The following SYN3 variants were observed in gnomAD, a reference collection of about 807,000 sequenced individuals.
SYN3 encodes the protein synapsin-3.
SYN3 carries 35 observed loss-of-function variants against 65.8 expected under a neutral mutation model. That is an observed-to-expected ratio of 0.53 (90% CI 0.41 to 0.70). The LOEUF is 0.70. Ranked by LOEUF, SYN3 falls within the 30% of genes least tolerant of loss-of-function variation. The pLI is 0.00. For synonymous variants in SYN3, 270 were observed against 292.9 expected (o/e 0.92, Z 0.80); for missense variants, 680 against 749.0 (o/e 0.91, Z 1.08).
intron 6 of SYN3, among the ~76,000 whole-genome samples, chr22:32,850,013 T>G (rs1360817491): frequency 1.3e-5 from 2 of 151,478 alleles, no homozygotes; most frequent in African/African-American, 2.4e-5. Flanking sequence ...AATCTTTACA[T>G]GGAAACTGTG....
intron 6 of SYN3, chr22:32,861,423 A>G (rs2048535137): frequency 6.6e-6 from 1 of 152,222 alleles, no homozygotes; most frequent in South Asian, 2.1e-4. Context: ...ACTGGTTTTG[A>G]AGGGATGAGC....
At chr22:32,781,699 A>G (rs981283252) in intron 6 of SYN3, among the ~76,000 whole-genome samples, 5 of 149,804 alleles carry the variant, frequency 3.3e-5, no homozygotes, top group Admixed American at 6.6e-5. Context: ...TATTATTATT[A>G]TTGTTGTTGT....
At chr22:32,773,990 G>A (rs1215362543) in intron 6 of SYN3, among the ~76,000 whole-genome samples, 3 of 152,094 alleles carry the variant, frequency 2.0e-5, no homozygotes, top group Non-Finnish European at 2.9e-5. Flanking sequence ...AGGGAGATCC[G>A]GGGAAGCAGA....
chr22:33,036,678 CTTTTTTTTTTTTTTTTTT>C (rs133977), intron 1 of SYN3, among the ~76,000 whole-genome samples: 6 of 99,538 alleles, frequency 6.0e-5, no homozygotes, highest in Non-Finnish European at 7.4e-5. Context: ...AGCCCAAGTT[CTTTTTTTTTTTTTTTTTT>C]TTTTTTTTTT....
At chr22:32,569,559 C>CTATA (rs1289552626) in intron 7 of SYN3, among the ~76,000 whole-genome samples, 85 of 51,204 alleles carry the variant, frequency 1.7e-3, no homozygotes, top group African/African-American at 3.5e-3. Context: ...CTCTCTCTCT[C>CTATA]TCTCTCTCTC....
At chr22:32,556,018 C>T (rs1185778237) in intron 7 of SYN3, among the ~76,000 whole-genome samples, 2 of 152,116 alleles carry the variant, frequency 1.3e-5, no homozygotes, top group African/African-American at 2.4e-5. Flanking sequence ...TCATCAAAGG[C>T]TTAGAAGCAG....
At chr22:32,526,557 C>T (rs887732021) in intron 12 of SYN3, among the ~76,000 whole-genome samples, 3 of 152,020 alleles carry the variant, frequency 2.0e-5, no homozygotes, top group African/African-American at 7.3e-5. Flanking sequence ...CCTCTATCGC[C>T]CAGGGTGGAG....
chr22:32,546,889 T>G (rs2058343770), intron 7 of SYN3, among the ~76,000 whole-genome samples: 1 of 152,004 alleles, frequency 6.6e-6, no homozygotes, highest in African/African-American at 2.4e-5. Flanking sequence ...CTCTCTCTCC[T>G]TTCTCTTGCG....
At chr22:32,800,588 T>A (rs995366091) in intron 6 of SYN3, among the ~76,000 whole-genome samples, 1 of 152,154 alleles carries the variant, frequency 6.6e-6, no homozygotes, top group African/African-American at 2.4e-5. Context: ...GGATAGTAAT[T>A]GTGTTAGTTA....
At chr22:32,670,914 C>T (rs1234152558) in intron 6 of SYN3, among the ~76,000 whole-genome samples, 1 of 152,222 alleles carries the variant, frequency 6.6e-6, no homozygotes, top group Admixed American at 6.5e-5. Flanking sequence ...GCAGCGCTGA[C>T]AGCACACCCC....
chr22:32,552,288 A>G (rs1004339421), intron 7 of SYN3, among the ~76,000 whole-genome samples: 3 of 152,146 alleles, frequency 2.0e-5, no homozygotes, highest in African/African-American at 7.2e-5. Context: ...ACACTTTAGA[A>G]GGGTGAATTT....
chr22:32,642,849 G>A (rs1340468493), intron 6 of SYN3, among the ~76,000 whole-genome samples: 2 of 152,056 alleles, frequency 1.3e-5, no homozygotes, highest in African/African-American at 4.8e-5. Flanking sequence ...GAGCCACTGT[G>A]CTTGGCCCTA....
intron 7 of SYN3, among the ~76,000 whole-genome samples, chr22:32,553,522 G>A (rs1299503581): frequency 6.6e-6 from 1 of 152,174 alleles, no homozygotes; most frequent in Non-Finnish European, 1.5e-5. Flanking sequence ...GTCTCATTCT[G>A]TCTCAGTCTG....
intron 6 of SYN3, among the ~76,000 whole-genome samples, chr22:32,828,732 G>A (rs551777613): frequency 5.9e-5 from 9 of 152,298 alleles, no homozygotes; most frequent in Admixed American, 4.6e-4. Flanking sequence ...CTTCTTGGCC[G>A]GTTCTGGGAG....
intron 7 of SYN3, among the ~76,000 whole-genome samples, chr22:32,560,123 G>C (rs1569038557): frequency 6.6e-6 from 1 of 152,234 alleles, no homozygotes; most frequent in South Asian, 2.1e-4. Flanking sequence ...AAGAATCAGG[G>C]GAGAAGGAAT....
chr22:32,648,087 C>T (rs1260487339), intron 6 of SYN3, among the ~76,000 whole-genome samples: 3 of 151,978 alleles, frequency 2.0e-5, no homozygotes, highest in Admixed American at 2.0e-4. Context: ...TGGTCTCAAA[C>T]TCCTGGCCTC....
Position 32,508,805 on chromosome 22 carries a change from C to T in SYN3, c.*4887G>A, listed in dbSNP as rs2057660144. Among the ~76,000 whole-genome samples, 5 of 152,174 alleles carry T rather than the reference C, an allele frequency of 3.3e-5. No individual in the cohort carries two copies. In the South Asian group the frequency reaches 1.0e-3, roughly 32 times the overall value. On this transcript the variant is annotated 3_prime_UTR_variant, in exon 14 of 14. Transcript: ENST00000358763. ...CATGTCCTGAACACCTGCTGGGTGCCAAGCAATGTGCTCTGAGCTTCACTC... is the reference window on the plus strand; with the variant it reads ...CATGTCCTGAACACCTGCTGGGTGCTAAGCAATGTGCTCTGAGCTTCACTC...
intron 7 of SYN3, among the ~76,000 whole-genome samples, chr22:32,551,559 A>C (rs1447476288): frequency 6.6e-6 from 1 of 151,888 alleles, no homozygotes; most frequent in Admixed American, 6.6e-5. Flanking sequence ...CTGAACTGTT[A>C]TAGATCATAA....
At chr22:32,986,682 C>T (rs993803158) in intron 2 of SYN3, among the ~76,000 whole-genome samples, 1 of 152,222 alleles carries the variant, frequency 6.6e-6, no homozygotes, top group Admixed American at 6.5e-5. Flanking sequence ...TGTTTGACCT[C>T]AGGCAAAATG....
Sources: allele counts gnomAD v4.1 joint callset (sites outside exome capture counted in the v4.1 genomes callset), GRCh38; gene constraint gnomAD v4.1.1; transcripts MANE v1.5; gene names NCBI Gene and HGNC (gene_info 2026-07-23, HGNC 2026-07-21).